Variants in ZNF423 observed in about 807,000 individuals in gnomAD.
The protein encoded by ZNF423 is zinc finger protein 423.
A neutral mutation model predicts 95.8 loss-of-function variants in ZNF423; 12 were observed. The ratio of observed to expected loss-of-function variants is 0.13; its 90% CI spans 0.08 to 0.20. The LOEUF (loss-of-function observed/expected upper bound fraction) is 0.20. Ranked by LOEUF, ZNF423 falls within the 10% of genes least tolerant of loss-of-function variation. The pLI is 1.00. For synonymous variants in ZNF423, 749 were observed against 711.9 expected (o/e 1.05, Z -0.83); for missense variants, 1,316 against 1,737.1 (o/e 0.76, Z 4.31).
At chr16:49,529,712 TCA>T (rs1968767967) in intron 5 of ZNF423, among the ~76,000 whole-genome samples, 1 of 152,032 alleles carries the variant, frequency 6.6e-6, no homozygotes, top group Non-Finnish European at 1.5e-5. Context: ...AAGGTGAAGC[TCA>T]GGTGGGCCCC....
At chr16:49,534,238 CTTTT>C (rs1439987713) in intron 5 of ZNF423, among the ~76,000 whole-genome samples, 1 of 54,112 alleles carries the variant, frequency 1.8e-5, no homozygotes, top group Non-Finnish European at 3.2e-5. Context: ...ACTTCTCCTT[CTTTT>C]TTTTTGTTTT....
At chr16:49,734,773 T>G (rs560581897) in intron 2 of ZNF423, among the ~76,000 whole-genome samples, 1 of 152,318 alleles carries the variant, frequency 6.6e-6, no homozygotes, top group South Asian at 2.1e-4. Flanking sequence ...CTTTCCACGA[T>G]GGACAACTGT....
At chr16:49,623,373 C>A (rs1218954925) in intron 5 of ZNF423, among the ~76,000 whole-genome samples, 1 of 152,204 alleles carries the variant, frequency 6.6e-6, no homozygotes, top group Non-Finnish European at 1.5e-5. Context: ...TAGTTAAGAG[C>A]AACCCCCTTG....
intron 2 of ZNF423, among the ~76,000 whole-genome samples, chr16:49,777,344 G>T (rs1185544666): frequency 6.6e-6 from 1 of 152,218 alleles, no homozygotes; most frequent in East Asian, 1.9e-4. Flanking sequence ...CATGTGCATT[G>T]TGTGGAGTAC....
chr16:49,739,769 G>C (rs1449596124), intron 2 of ZNF423, among the ~76,000 whole-genome samples: 1 of 144,800 alleles, frequency 6.9e-6, no homozygotes, highest in Non-Finnish European at 1.5e-5. Context: ...TGCGATCTCA[G>C]CTCACTGCAG....
chr16:49,566,199 C>T (rs867027651), intron 5 of ZNF423, among the ~76,000 whole-genome samples: 3 of 152,324 alleles, frequency 2.0e-5, no homozygotes, highest in South Asian at 2.1e-4. Flanking sequence ...CCCCAAACAG[C>T]ACTCATAGCC....
intron 5 of ZNF423, among the ~76,000 whole-genome samples, chr16:49,554,381 G>T (rs1349228485): frequency 6.6e-6 from 1 of 152,104 alleles, no homozygotes; most frequent in African/African-American, 2.4e-5. Flanking sequence ...GCCCACCTTG[G>T]TGACCACACC....
At chr16:49,661,472 A>G (rs899485408) in intron 3 of ZNF423, among the ~76,000 whole-genome samples, 2 of 152,206 alleles carry the variant, frequency 1.3e-5, no homozygotes, top group African/African-American at 4.8e-5. Context: ...CACAAGGAAC[A>G]CACAGCCAAG....
intron 3 of ZNF423, among the ~76,000 whole-genome samples, chr16:49,674,472 G>A (rs1024563854): frequency 1.3e-5 from 2 of 152,216 alleles, no homozygotes; most frequent in Non-Finnish European, 1.5e-5. Flanking sequence ...GGGTGGCTCT[G>A]AGACGTGATG....
rs543609469 is a variant in ZNF423, at chr16:49,641,059, A to C, written c.302-2185T>G. On this transcript the variant is annotated intron_variant, in intron 3 of 7. Transcript: ENST00000563137. ...TCTTATTATTTTGATGTCTTCACTC[A>C]GACTCACTCAAACTGCCACTGAGCC... Among the ~76,000 whole-genome samples, 71 of 152,324 alleles carry C rather than the reference A, an allele frequency of 4.7e-4. 1 individual carries two copies. The highest frequency in any genetic ancestry group is 1.2e-3 in the Admixed American group (19 of 15,308).
Position 49,495,610 on chromosome 16 carries a change from A to G in ZNF423, c.3850-4306T>C, listed in dbSNP as rs146058191. Among the ~76,000 whole-genome samples, 29 of 152,304 alleles carry G rather than the reference A, an allele frequency of 1.9e-4. 1 individual carries two copies. The highest frequency in any genetic ancestry group is 5.3e-4 in the African/African-American group (22 of 41,580). Reference sequence around the variant, plus strand: ...CAAAATGATCCTGATCCTGAACCCAATCCAGGGTAATGTTTTGTGCATGGA... The same window carrying G: ...CAAAATGATCCTGATCCTGAACCCAGTCCAGGGTAATGTTTTGTGCATGGA... On this transcript the variant is annotated intron_variant, in intron 7 of 7. Transcript: ENST00000563137.
intron 1 of ZNF423, among the ~76,000 whole-genome samples, chr16:49,819,249 C>CAAAAA (rs34167954): frequency 2.8e-5 from 2 of 72,710 alleles, no homozygotes; most frequent in Admixed American, 1.9e-4. Context: ...GATTCCGTCT[C>CAAAAA]AAAAAAAAAA....
intron 3 of ZNF423, among the ~76,000 whole-genome samples, chr16:49,657,853 C>T (rs1362144206): frequency 6.6e-6 from 1 of 152,208 alleles, no homozygotes; most frequent in African/African-American, 2.4e-5. Context: ...TGGTGTCAGA[C>T]TTGGAAGCCA....
chr16:49,635,686 C>T lies in ZNF423; in HGVS notation c.3490G>A (p.Gly1164Ser), dbSNP rs1972663412. 1 of 1,587,878 alleles carries T rather than the reference C, an allele frequency of 6.3e-7. No homozygotes were observed. The highest frequency in any genetic ancestry group is 1.4e-5 in the African/African-American group (1 of 73,870). The change falls in exon 4 of 8, where the codon GGC (glycine) becomes AGC (serine). Residue 1164 changes from glycine (G) to serine (S), a missense_variant. Around this residue, in one of 6 missense-constraint regions of ZNF423, gnomAD observed 620 missense variants for 775.6 expected, o/e 0.80. Coordinates refer to ENST00000563137, the MANE Select transcript of ZNF423 (RefSeq NM_001379286.1). The surrounding 1 kb of genome is among the most constrained non-coding windows in gnomAD (Gnocchi z 4.8). ...LTPETSGPRK[G>S]TQTSPVPRKK... ...CGGGGCACTGGCGATGTCTGGGTGC[C>T]TTTCCGGGGCCCACTGGTCTCCGGC...
At chr16:49,549,720 T>A (rs965575432) in intron 5 of ZNF423, among the ~76,000 whole-genome samples, 1 of 152,226 alleles carries the variant, frequency 6.6e-6, no homozygotes, top group African/African-American at 2.4e-5. Flanking sequence ...CTACTGTTAT[T>A]CCCATCTTAC....
intron 3 of ZNF423, among the ~76,000 whole-genome samples, chr16:49,639,624 A>G (rs1327019884): frequency 1.3e-5 from 2 of 152,158 alleles, no homozygotes; most frequent in African/African-American, 4.8e-5. Flanking sequence ...GATTTGCCCC[A>G]ACCCCACCCA....
At chr16:49,760,561 G>A (rs1054176777) in intron 2 of ZNF423, among the ~76,000 whole-genome samples, 2 of 152,038 alleles carry the variant, frequency 1.3e-5, no homozygotes, top group African/African-American at 4.8e-5. Flanking sequence ...AGGGATAGAG[G>A]ATACGAAGAT....
chr16:49,561,013 G>A (rs1424957075), intron 5 of ZNF423, among the ~76,000 whole-genome samples: 1 of 152,246 alleles, frequency 6.6e-6, no homozygotes, highest in Non-Finnish European at 1.5e-5. Flanking sequence ...ACACAGAGAT[G>A]ATACTCAGGG....
chr16:49,688,205 A>C (rs1382236532), intron 3 of ZNF423, among the ~76,000 whole-genome samples: 1 of 152,108 alleles, frequency 6.6e-6, no homozygotes, highest in African/African-American at 2.4e-5. Flanking sequence ...AGGATTGCCC[A>C]GGGACCGAGC....
Sources: allele counts gnomAD v4.1 joint callset (sites outside exome capture counted in the v4.1 genomes callset), GRCh38; gene constraint gnomAD v4.1.1; regional missense constraint gnomAD v4.1.1; non-coding constraint Gnocchi (gnomAD v3.1); transcripts MANE v1.5; gene names NCBI Gene and HGNC (gene_info 2026-07-23, HGNC 2026-07-21).